DNMT3A: variants seen among roughly 807,000 people sequenced by gnomAD.
DNMT3A encodes the protein DNA (cytosine-5)-methyltransferase 3A.
In DNMT3A, 267 loss-of-function variants were observed where a neutral mutation model predicts 117.6. The observed-to-expected ratio is 2.27, with a 90% CI of 2.05 to 2.51. DNMT3A has a LOEUF of 2.51. DNMT3A is among the 30% of genes most tolerant of loss of function. The probability of loss-of-function intolerance (pLI) is 0.00; values close to 1 mark genes in which losing one functional copy is unlikely to be tolerated. For synonymous variants in DNMT3A, 432 were observed against 474.8 expected, an observed-to-expected ratio of 0.91 and a Z score of 1.17; for missense variants, 1,029 against 1,260.2, an observed-to-expected ratio of 0.82 and a Z score of 2.78.
Position 25,240,409 on chromosome 2 carries a change from G to A in DNMT3A, c.2215C>T (p.His739Tyr). 1 of 1,613,482 alleles carries A rather than the reference G, an allele frequency of 6.2e-7. No individual in the cohort carries two copies. Among genetic ancestry groups the A allele is most frequent in the Non-Finnish European group, 8.5e-7 (1 of 1,179,684 alleles). ...TCTCCCTCCTTGGGCCGCGCATCAT[G>A]CAGGAGGCGGTAGAACTCAAAGAAG... is the stretch of plus-strand genomic sequence containing the variant. Reference protein sequence around the residue: ...RLFFEFYRLLHDARPKEGDDR... With the variant: ...RLFFEFYRLLYDARPKEGDDR... Residue 739 changes from histidine to tyrosine, a missense_variant, in exon 19 of 23, where the codon CAT (histidine) becomes TAT (tyrosine). Transcript: ENST00000321117.
rs769539104 is a variant in DNMT3A at position 25,241,617 on chromosome 2, C to T, written c.2027G>A (p.Arg676Gln). 2 of 1,613,882 alleles carry T rather than the reference C, an allele frequency of 1.2e-6. No homozygotes were observed. Among genetic ancestry groups the T allele is most frequent in the African/African-American group, 1.3e-5 (1 of 75,042 alleles). The stretch of plus-strand genomic sequence containing the variant: ...GACGTACATGATCTTCCCCTGGTGC[C>T]GCACCATGCCCACCGTGATGGAGTC... ...CEDSITVGMV[R>Q]HQGKIMYVGD... The change falls in exon 17 of 23, where the codon CGG becomes CAG. Residue 676 changes from arginine (R) to glutamine (Q), a missense_variant. Coordinates refer to ENST00000321117, the MANE Select transcript of DNMT3A (RefSeq NM_022552.5).
chr2:25,247,816 T>C lies in DNMT3A; in HGVS notation c.856-67A>G. On this transcript the variant is annotated intron_variant, in intron 7 of 22. Coordinates refer to ENST00000321117, the MANE Select transcript of DNMT3A (RefSeq NM_022552.5). The surrounding 1 kb of genome is among the most constrained non-coding windows in gnomAD (Gnocchi z 5.6). ...AGGCCCTGCCACCCTGATCCCCCCA[T>C]GGCAACCCCAGCCCTGGGCATCTGG... 1 of 1,581,946 alleles carries C rather than the reference T, an allele frequency of 6.3e-7. No homozygotes were observed. The highest frequency in any genetic ancestry group is 2.3e-5 in the East Asian group (1 of 43,722).
rs371754672 is a variant in DNMT3A at position 25,283,557 on chromosome 2, C to G, written c.178-846G>C. Among the ~76,000 whole-genome samples the G allele has an allele frequency of 5.7e-4, 87 of 152,216 alleles. 1 individual carries two copies. Among genetic ancestry groups the G allele is most frequent in the African/African-American group, 1.9e-3 (78 of 41,540 alleles). On this transcript the variant is annotated intron_variant, in intron 3 of 22. Coordinates refer to ENST00000321117, the MANE Select transcript of DNMT3A (RefSeq NM_022552.5). ...GAAGGAGGACCCCCAAAAAACCATT[C>G]TGTAGGCTCATAGCCTAGCGTAGCC... is the stretch of plus-strand genomic sequence containing the variant.
At chr2:25,333,816 C>T (rs1171724457) in intron 1 of DNMT3A, among the ~76,000 whole-genome samples, 1 of 152,182 alleles carries the variant, frequency 6.6e-6, no homozygotes, top group Non-Finnish European at 1.5e-5. Flanking sequence ...TTCAGGCAAC[C>T]CCTGTAAGAT....
chr2:25,240,769 G>A (rs372498003), intron 17 of DNMT3A, 39 bp from the exon 18 acceptor site: 1 of 1,588,604 alleles, frequency 6.3e-7, no homozygotes, highest in East Asian at 2.2e-5. Context: ...CTGCTGTCCA[G>A]GGACAGAGGC....
chr2:25,283,230 T>C (rs1351267058), intron 3 of DNMT3A, among the ~76,000 whole-genome samples: 3 of 151,890 alleles, frequency 2.0e-5, no homozygotes, highest in Admixed American at 6.6e-5. Flanking sequence ...GGGATGGTGG[T>C]GCATGCCCGT....
intron 1 of DNMT3A, among the ~76,000 whole-genome samples, chr2:25,330,603 G>A (rs2034981090): frequency 6.6e-6 from 1 of 152,218 alleles, no homozygotes; most frequent in South Asian, 2.1e-4. Context: ...AAGCAGGGCA[G>A]CCTAGCCCAT....
chr2:25,310,731 C>G (rs953494388), intron 2 of DNMT3A, among the ~76,000 whole-genome samples: 1 of 152,206 alleles, frequency 6.6e-6, no homozygotes, highest in Non-Finnish European at 1.5e-5. Context: ...GGGCCGTGAC[C>G]CTGCGCTCCA....
intron 2 of DNMT3A, among the ~76,000 whole-genome samples, chr2:25,300,712 AATATATATATATAT>A (rs3039391): frequency 4.4e-3 from 83 of 18,910 alleles, no homozygotes; most frequent in East Asian, 6.5e-3. Context: ...TAAATAATAT[AATATATATATATAT>A]ATATATATAT....
chr2:25,318,883 T>C (rs2034484734), intron 1 of DNMT3A, among the ~76,000 whole-genome samples: 1 of 149,426 alleles, frequency 6.7e-6, no homozygotes, highest in Non-Finnish European at 1.5e-5. Context: ...CTATTTTTAG[T>C]AGAGACAGGG....
rs1477679707 is a variant in DNMT3A at position 25,296,071 on chromosome 2, A to G, written c.177+4068T>C. Among the ~76,000 whole-genome samples the G allele has an allele frequency of 6.6e-6, 1 of 152,256 alleles. No homozygotes were observed. Among genetic ancestry groups the G allele is most frequent in the African/African-American group, 2.4e-5 (1 of 41,472 alleles). ...GGCAACATTGTCACACACACATAAA[A>G]GCTTCTGAATAGTTATACTCAGTTC... On this transcript the variant is annotated intron_variant, in intron 3 of 22. Coordinates refer to ENST00000321117, the MANE Select transcript of DNMT3A (RefSeq NM_022552.5). The surrounding 1 kb of genome is among the most constrained non-coding windows in gnomAD (Gnocchi z 4.2).
intron 2 of DNMT3A, among the ~76,000 whole-genome samples, chr2:25,303,853 G>A (rs148229436): frequency 1.3e-5 from 2 of 152,372 alleles, no homozygotes; most frequent in Admixed American, 6.5e-5. Context: ...CAGATGGCTT[G>A]GGCCGTGCCC....
intron 6 of DNMT3A, among the ~76,000 whole-genome samples, chr2:25,264,132 GTTT>G (rs1175186554): frequency 2.3e-3 from 171 of 73,750 alleles, no homozygotes; most frequent in African/African-American, 8.7e-3. Context: ...CAACCCTTTG[GTTT>G]TTTTTTTTTT....
At position 25,281,724 on chromosome 2, in the gene DNMT3A, G is replaced by T. The variant is rs141080459; in HGVS notation, c.448+717C>A. 2 of 1,065,692 alleles carry T rather than the reference G, an allele frequency of 1.9e-6. No homozygotes were observed. The highest frequency in any genetic ancestry group is 2.3e-6 in the Non-Finnish European group (2 of 879,602). 66.0% of individuals were successfully genotyped at this position (1,065,692 alleles called of 1,614,324 possible). A position where few individuals can be genotyped will look rare whatever the true frequency, so the allele number is the denominator to read the frequency against. ...CTCATTACTAACATGTTTACAGCTCGGTTGGCCCTGAAATTGCTGGCTTAA... is the reference window on the plus strand; with the variant it reads ...CTCATTACTAACATGTTTACAGCTCTGTTGGCCCTGAAATTGCTGGCTTAA... On this transcript the variant is annotated intron_variant, in intron 4 of 22. Coordinates refer to ENST00000321117, the MANE Select transcript of DNMT3A (RefSeq NM_022552.5). The surrounding 1 kb of genome is among the most constrained non-coding windows in gnomAD (Gnocchi z 4.8).
At position 25,247,761 on chromosome 2, in the gene DNMT3A, A is replaced by G; in HGVS notation, c.856-12T>C. The G allele has an allele frequency of 1.2e-6, 2 of 1,610,746 alleles. No homozygotes were observed. Among genetic ancestry groups the G allele is most frequent in the Admixed American group, 1.7e-5 (1 of 59,988 alleles). On this transcript the variant is annotated splice_polypyrimidine_tract_variant and intron_variant, in intron 7 of 22. Coordinates refer to ENST00000321117, the MANE Select transcript of DNMT3A (RefSeq NM_022552.5). This position sits in a 1 kb window ranked among gnomAD's most constrained non-coding sequence, Gnocchi z 5.6. ...AAGCCCCGGCCGTCCTGGAGCCCCAAGGAGCAGAAATCATTACACAGTGGT... is the reference window on the plus strand; with the variant it reads ...AAGCCCCGGCCGTCCTGGAGCCCCAGGGAGCAGAAATCATTACACAGTGGT...
intron 6 of DNMT3A, among the ~76,000 whole-genome samples, chr2:25,256,815 T>C (rs1238018015): frequency 2.0e-5 from 3 of 152,220 alleles, no homozygotes; most frequent in Non-Finnish European, 4.4e-5. Flanking sequence ...CGAAGGTGAT[T>C]GTGTACTCAT....
intron 6 of DNMT3A, among the ~76,000 whole-genome samples, chr2:25,261,475 C>T (rs1310197706): frequency 7.8e-6 from 1 of 128,400 alleles, no homozygotes; most frequent in Non-Finnish European, 1.6e-5. Flanking sequence ...GAGGTGGGGG[C>T]GGACACCTAT....
At position 25,337,062 on chromosome 2, in the gene DNMT3A, C is replaced by T. The variant is rs1027458902; in HGVS notation, c.-178+4764G>A. ...GGCTTACAGGAAATGCTCAGCACATCTCTGGAAAATGGAAGCGAATACGGT... is the reference window on the plus strand; with the variant it reads ...GGCTTACAGGAAATGCTCAGCACATTTCTGGAAAATGGAAGCGAATACGGT... On this transcript the variant is annotated intron_variant, in intron 1 of 22. Transcript: ENST00000321117. The surrounding 1 kb of genome is among the most constrained non-coding windows in gnomAD (Gnocchi z 5.0). 1.3e-5 allele frequency among the ~76,000 whole-genome samples: 2 copies of T among 152,214 alleles called. No individual in the cohort carries two copies. The highest frequency in any genetic ancestry group is 3.8e-4 in the East Asian group (2 of 5,202).
Position 25,237,016 on chromosome 2 carries a change from GAA to G in DNMT3A, c.2409-13_2409-12del. 1 of 1,613,328 alleles carries G rather than the reference GAA, an allele frequency of 6.2e-7. No individual in the cohort carries two copies. Among genetic ancestry groups the G allele is most frequent in the Non-Finnish European group, 8.5e-7 (1 of 1,179,848 alleles). On this transcript the variant is annotated splice_polypyrimidine_tract_variant and intron_variant, in intron 20 of 22. Coordinates refer to ENST00000321117, the MANE Select transcript of DNMT3A (RefSeq NM_022552.5). The surrounding 1 kb of genome is among the most constrained non-coding windows in gnomAD (Gnocchi z 5.4). The stretch of plus-strand genomic sequence containing the variant: ...GTGGATGCCAACGGCCTAGGAGGCA[GAA>G]GAGAGACTGTAACAACAGAAACCTG...
Sources: gnomAD v4.1 joint callset for allele counts (sites outside exome capture counted in the v4.1 genomes callset) on GRCh38, gnomAD v4.1.1 for gene constraint, Gnocchi (gnomAD v3.1) non-coding constraint, MANE v1.5 for transcripts, NCBI Gene and HGNC (gene_info 2026-07-23, HGNC 2026-07-21) for gene names.